RBFOX1: variants seen among roughly 807,000 people sequenced by gnomAD.
The protein encoded by RBFOX1 is RNA binding fox-1 homolog 1.
A neutral mutation model predicts 57.7 loss-of-function variants in RBFOX1; 8 were observed. That is an observed-to-expected ratio of 0.14 (90% CI 0.08 to 0.25). RBFOX1 has a LOEUF of 0.25. Ranked by LOEUF, RBFOX1 falls within the 10% of genes least tolerant of loss-of-function variation. The pLI, the probability that RBFOX1 is intolerant of heterozygous loss-of-function variation, is 1.00. For missense variants in RBFOX1, 611 were observed against 548.5 expected, an observed-to-expected ratio of 1.11 and a Z score of -1.14; for synonymous variants, 326 against 222.4, an observed-to-expected ratio of 1.47 and a Z score of -4.15.
intron 1 of RBFOX1, among the ~76,000 whole-genome samples, chr16:5,450,979 A>G (rs916445502): frequency 6.6e-6 from 1 of 152,232 alleles, no homozygotes; most frequent in Non-Finnish European, 1.5e-5. Flanking sequence ...ATCACGGGCC[A>G]TATCTGTCAG....
chr16:7,228,040 T>G (rs1399722295), intron 4 of RBFOX1, among the ~76,000 whole-genome samples: 2 of 152,138 alleles, frequency 1.3e-5, no homozygotes, highest in Non-Finnish European at 2.9e-5. Flanking sequence ...CAGGTTGTGA[T>G]GACCCGACTT....
chr16:5,702,805 T>C (rs1157366612), intron 3 of RBFOX1, among the ~76,000 whole-genome samples: 1 of 152,184 alleles, frequency 6.6e-6, no homozygotes. Context: ...GCTGTGTGTG[T>C]TGTGGAACTA....
intron 3 of RBFOX1, among the ~76,000 whole-genome samples, chr16:6,732,930 T>C (rs184903889): frequency 5.4e-4 from 82 of 152,368 alleles, no homozygotes; most frequent in Non-Finnish European, 9.6e-4. Context: ...ATGAAAATGC[T>C]AATTTCTGAA....
chr16:7,475,274 C>T (rs1423521063), intron 4 of RBFOX1, among the ~76,000 whole-genome samples: 2 of 151,162 alleles, frequency 1.3e-5, no homozygotes, highest in East Asian at 1.9e-4. Context: ...GAGGAGTGTG[C>T]AGCTACCGAT....
At chr16:5,485,346 A>C (rs1190582802) in intron 2 of RBFOX1, among the ~76,000 whole-genome samples, 1 of 36,316 alleles carries the variant, frequency 2.8e-5, no homozygotes, top group Non-Finnish European at 5.3e-5. Flanking sequence ...ACTCCGTGTC[A>C]AAAAAAAAAA....
At chr16:7,305,141 G>GTTTTT (rs1305843885) in intron 4 of RBFOX1, among the ~76,000 whole-genome samples, 1 of 151,042 alleles carries the variant, frequency 6.6e-6, no homozygotes, top group Admixed American at 6.6e-5. Flanking sequence ...GCGTGTGTGG[G>GTTTTT]TTTTTTTTTC....
At chr16:6,960,241 T>C (rs990784708) in intron 3 of RBFOX1, among the ~76,000 whole-genome samples, 2 of 152,266 alleles carry the variant, frequency 1.3e-5, no homozygotes, top group South Asian at 4.1e-4. Context: ...TTAGATTAAG[T>C]AAATTTACTG....
chr16:5,605,392 G>T (rs1363496149), intron 3 of RBFOX1, among the ~76,000 whole-genome samples: 2 of 152,218 alleles, frequency 1.3e-5, no homozygotes, highest in East Asian at 3.8e-4. Flanking sequence ...TGGGAGTGGA[G>T]GTTAGACCCA....
In RBFOX1 at chr16:6,928,326, G is replaced by A. The variant is rs147678880; in HGVS notation, c.-15-123731G>A. Among the ~76,000 whole-genome samples the A allele has an allele frequency of 4.6e-3, 696 of 152,286 alleles. 3 individuals are homozygous for A. Among genetic ancestry groups the A allele is most frequent in the Non-Finnish European group, 8.0e-3 (541 of 68,028 alleles). ...GATCAGGGACAAAGGCGATCTGGAGGAAGACGGGGCGGGGAAAGAAAAGAG... is the reference window on the plus strand; with the variant it reads ...GATCAGGGACAAAGGCGATCTGGAGAAAGACGGGGCGGGGAAAGAAAAGAG... On this transcript the variant is annotated intron_variant, in intron 3 of 15. Coordinates refer to ENST00000550418, the MANE Select transcript of RBFOX1 (RefSeq NM_018723.4).
intron 14 of RBFOX1, among the ~76,000 whole-genome samples, chr16:7,690,746 G>A (rs913123140): frequency 3.3e-5 from 5 of 152,000 alleles, no homozygotes; most frequent in Non-Finnish European, 7.4e-5. Context: ...GGTCATCTGG[G>A]GCAAATGGCT....
At chr16:5,562,833 T>G (rs1047378365) in intron 2 of RBFOX1, among the ~76,000 whole-genome samples, 17 of 152,320 alleles carry the variant, frequency 1.1e-4, no homozygotes, top group African/African-American at 3.6e-4. Flanking sequence ...GAACTACCTT[T>G]AGGCAAACTA....
At chr16:6,005,204 T>C (rs577163251) in intron 4 of RBFOX1, among the ~76,000 whole-genome samples, 93 of 152,330 alleles carry the variant, frequency 6.1e-4, no homozygotes, top group African/African-American at 2.2e-3. Context: ...CGTTCAAATG[T>C]ATTCGTGGAA....
chr16:6,082,703 A>G (rs963187858), intron 1 of RBFOX1, among the ~76,000 whole-genome samples: 1 of 152,118 alleles, frequency 6.6e-6, no homozygotes, highest in Admixed American at 6.5e-5. Flanking sequence ...CAAGGAAGGG[A>G]CAATGTTCTC....
intron 1 of RBFOX1, among the ~76,000 whole-genome samples, chr16:5,345,938 A>G (rs571829575): frequency 1.3e-5 from 2 of 152,320 alleles, no homozygotes; most frequent in South Asian, 4.1e-4. Context: ...AACCCTGCTA[A>G]TTATGCCCCT....
chr16:7,471,802 C>G (rs541309982), intron 4 of RBFOX1, among the ~76,000 whole-genome samples: 1 of 152,302 alleles, frequency 6.6e-6, no homozygotes, highest in South Asian at 2.1e-4. Context: ...GTGTGATTCT[C>G]TACTGTCTGG....
chr16:7,094,296 A>G (rs889960212), intron 4 of RBFOX1, among the ~76,000 whole-genome samples: 15 of 152,168 alleles, frequency 9.9e-5, no homozygotes, highest in African/African-American at 3.1e-4. Flanking sequence ...TCGGGAAGCA[A>G]TAGAGCATTG....
At chr16:6,857,811 C>G (rs1811875896) in intron 3 of RBFOX1, among the ~76,000 whole-genome samples, 2 of 152,148 alleles carry the variant, frequency 1.3e-5, no homozygotes, top group Non-Finnish European at 2.9e-5. Flanking sequence ...CAAGCAGTGC[C>G]TGTTTTGGTA....
intron 4 of RBFOX1, among the ~76,000 whole-genome samples, chr16:7,308,625 C>G (rs1350683544): frequency 1.3e-5 from 2 of 152,128 alleles, no homozygotes; most frequent in African/African-American, 4.8e-5. Context: ...AAGGGTAATT[C>G]CCAGTAAATG....
At position 5,788,817 on chromosome 16, in the gene RBFOX1, G is replaced by C. The variant is rs560482849; in HGVS notation, c.319-78486G>C. ...ACATGCTTTTCTACCCACCTCCCAA[G>C]TTATTAGGAAAATTATAAGTTAAAA... On this transcript the variant is annotated intron_variant, in intron 3 of 19. Transcript: ENST00000641259. 2.6e-5 allele frequency among the ~76,000 whole-genome samples: 4 copies of C among 152,108 alleles called. No homozygotes were observed. In the East Asian group the frequency reaches 5.8e-4, roughly 22 times the overall value.
Sources: gnomAD v4.1 joint callset for allele counts (sites outside exome capture counted in the v4.1 genomes callset) on GRCh38, gnomAD v4.1.1 for gene constraint, MANE v1.5 for transcripts, NCBI Gene and HGNC (gene_info 2026-07-23, HGNC 2026-07-21) for gene names.